Variants in MFRP observed in about 807,000 individuals in gnomAD.
The protein encoded by MFRP is membrane frizzled-related protein.
A neutral mutation model predicts 65.8 loss-of-function variants in MFRP; 74 were observed. The ratio of observed to expected loss-of-function variants is 1.12; its 90% CI spans 0.93 to 1.36. The LOEUF (loss-of-function observed/expected upper bound fraction) is 1.36. Ranked by LOEUF, MFRP falls within the 40% of genes most tolerant of loss-of-function variation. MFRP has a pLI of 0.00. For synonymous variants in MFRP, 336 were observed against 288.3 expected (o/e 1.17, Z -1.68); for missense variants, 838 against 736.0 (o/e 1.14, Z -1.60).
Position 119,343,023 on chromosome 11 carries a change from G to A in MFRP, c.1125-20C>T, listed in dbSNP as rs747809803. 5.0e-6 allele frequency: 8 copies of A among 1,588,420 alleles called. No individual in the cohort carries two copies. Among genetic ancestry groups the A allele is most frequent in the African/African-American group, 2.7e-5 (2 of 74,536 alleles). ...CAGAACCTGCCCAAAGCAGACAGCT[G>A]TTCTGGGCACCAGCCCTGGCTGACT... On this transcript the variant is annotated intron_variant, in intron 9 of 14. Transcript: ENST00000619721.
intron 11 of MFRP, 45 bp downstream of exon 11, chr11:119,342,543 TCTGTGAGG>T: frequency 1.2e-6 from 2 of 1,606,768 alleles, no homozygotes; most frequent in Non-Finnish European, 1.7e-6. Context: ...GCAGTAGGGT[TCTGTGAGG>T]TGGGCACCCA....
chr11:119,346,573 C>T lies in MFRP; in HGVS notation c.-60G>A, dbSNP rs1423963005. ...GTGACAGCCCAAGACCCCCAAGGGC[C>T]CACTCGCTGACCACAAACTCCCTGT... On this transcript the variant is annotated 5_prime_UTR_variant, in exon 1 of 15. Transcript: ENST00000619721. The T allele has an allele frequency of 6.4e-7, 1 of 1,566,498 alleles. No individual in the cohort carries two copies. The highest frequency in any genetic ancestry group is 8.8e-7 in the Non-Finnish European group (1 of 1,138,296).
chr11:119,342,032 T>C (rs1950508092), intron 11 of MFRP, 48 bp from the exon 12 acceptor site: 1 of 1,609,762 alleles, frequency 6.2e-7, no homozygotes, highest in Non-Finnish European at 8.5e-7. Context: ...TCACTGGCTC[T>C]GTGGCCTGTG....
rs1422325722 is a variant in MFRP at position 119,344,028 on chromosome 11, A to G, written c.976-64T>C. 19 of 1,600,988 alleles carry G rather than the reference A, an allele frequency of 1.2e-5. No homozygotes were observed. The East Asian group carries it at 4.0e-4, about 34-fold the overall frequency. ...CTCCTGTCTCATCCCGGGCACCCAGAAGGGTCTTCTTCCCCCACTGCTGGC... is the reference window on the plus strand; with the variant it reads ...CTCCTGTCTCATCCCGGGCACCCAGGAGGGTCTTCTTCCCCCACTGCTGGC... On this transcript the variant is annotated intron_variant, in intron 8 of 14. Transcript: ENST00000619721.
rs767917702 is a variant in MFRP, at chr11:119,342,725, G to C, written c.1258C>G (p.Pro420Ala). Residue 420 changes from proline to alanine, a missense_variant and splice_region_variant, in exon 11 of 15, where the codon CCC (proline) becomes GCC (alanine). Physicochemically the swap from Pro to Ala is conservative, Grantham distance 27. Coordinates refer to ENST00000619721, the MANE Select transcript of MFRP (RefSeq NM_031433.4). ...TYLAFNATEN[P>A]CGPSELSCQA... ...CAGGAGAGCTCACTGGGCCCACAGGGGTCTGCAGGCACAAGGGGCATGGCA... is the reference window on the plus strand; with the variant it reads ...CAGGAGAGCTCACTGGGCCCACAGGCGTCTGCAGGCACAAGGGGCATGGCA... The C allele has an allele frequency of 8.9e-5, 144 of 1,613,392 alleles. No homozygotes were observed. The highest frequency in any genetic ancestry group is 1.1e-4 in the Non-Finnish European group (128 of 1,179,930).
chr11:119,344,814 C>A, intron 6 of MFRP, 57 bp from the exon 7 acceptor site: 1 of 1,613,692 alleles, frequency 6.2e-7, no homozygotes, highest in South Asian at 1.1e-5. Context: ...TTTGACAGGA[C>A]TGGGAGTGGG....
Position 119,344,074 on chromosome 11 carries a change from T to G in MFRP, c.976-110A>C. On this transcript the variant is annotated intron_variant, in intron 8 of 14. Coordinates refer to ENST00000619721, the MANE Select transcript of MFRP (RefSeq NM_031433.4). The stretch of plus-strand genomic sequence containing the variant: ...CTGGCTGGGGGGATGGGGTGGTGCT[T>G]TCATCATTGGTGGTTCTTAAGGACC... The G allele has an allele frequency of 2.1e-6, 3 of 1,418,880 alleles. No homozygotes were observed. In the South Asian group the frequency reaches 3.5e-5, roughly 17 times the overall value. 87.9% of individuals were successfully genotyped at this position (1,418,880 alleles called of 1,614,324 possible). A position where few individuals can be genotyped will look rare whatever the true frequency, so the allele number is the denominator to read the frequency against.
chr11:119,343,373 T>C (rs749460807), intron 9 of MFRP, among the ~76,000 whole-genome samples: 1 of 152,108 alleles, frequency 6.6e-6, no homozygotes. Flanking sequence ...GTAAATTATC[T>C]GGGCGTGGTG....
intron 11 of MFRP, 58 bp from the exon 12 acceptor site, chr11:119,342,042 G>T: frequency 6.2e-7 from 1 of 1,607,834 alleles, no homozygotes. Flanking sequence ...TGTGGCCTGT[G>T]GCAAGTCACC....
intron 4 of MFRP, 46 bp from the exon 5 acceptor site, chr11:119,345,679 C>T (rs771682623): frequency 1.2e-6 from 2 of 1,612,222 alleles, no homozygotes; most frequent in Admixed American, 1.7e-5. Flanking sequence ...GGAGTGAGGT[C>T]CTTTATTCTC....
intron 5 of MFRP, 41 bp from the exon 6 acceptor site, chr11:119,345,045 C>T (rs1481427191): frequency 6.3e-7 from 1 of 1,584,664 alleles, no homozygotes; most frequent in Admixed American, 1.9e-5. Context: ...GCTCCAAGAG[C>T]AGGGTCAGCC....
At chr11:119,340,567 G>A in intron 13 of MFRP, 127 bp from the exon 14 acceptor site, 2 of 674,482 alleles carry the variant, frequency 3.0e-6, no homozygotes, top group Non-Finnish European at 4.9e-6. Context: ...TCGCAGGGCC[G>A]AGCATCCGGA....
chr11:119,339,996 C>A lies in MFRP; in HGVS notation c.*1111-148G>T. ...GCACGGGTACCTCCTCCACCCCTTC[C>A]CGCAGGGCAGATCTGGGGGGCTGGC... On this transcript the variant is annotated intron_variant, in intron 14 of 14. Transcript: ENST00000619721. The surrounding 1 kb of genome is among the most constrained non-coding windows in gnomAD (Gnocchi z 5.4). 7.7e-7 allele frequency: 1 copy of A among 1,300,868 alleles called. No homozygotes were observed. Among genetic ancestry groups the A allele is most frequent in the Non-Finnish European group, 1.0e-6 (1 of 991,658 alleles). The allele number at this position is 1,300,868 out of a possible 1,614,324, so 80.6% of individuals were successfully genotyped here.
rs1165275829 is a variant in MFRP, at chr11:119,339,077, G to A, written c.*1882C>T. The stretch of plus-strand genomic sequence containing the variant: ...GTGGGCTCCTGGACCAGAGCAACTG[G>A]GGGACTTACACTTGCCAGCACAGCA... On this transcript the variant is annotated 3_prime_UTR_variant, in exon 15 of 15. Transcript: ENST00000619721. This position sits in a 1 kb window ranked among gnomAD's most constrained non-coding sequence, Gnocchi z 5.4. The A allele has an allele frequency of 3.8e-5, 18 of 476,738 alleles. 1 individual carries two copies. Among genetic ancestry groups the A allele is most frequent in the Non-Finnish European group, 2.6e-5 (7 of 268,818 alleles). The allele number at this position is 476,738 out of a possible 1,614,324, so 29.5% of individuals were successfully genotyped here. A position where few individuals can be genotyped will look rare whatever the true frequency, so the allele number is the denominator to read the frequency against.
Position 119,345,880 on chromosome 11 carries a change from G to T in MFRP, c.320C>A (p.Ala107Asp). Residue 107 changes from alanine to aspartate, a missense_variant, in exon 4 of 15, where the codon GCC becomes GAC. Transcript: ENST00000619721. The stretch of plus-strand genomic sequence containing the variant: ...GGTGGTGGTCGTGGTAAGGCCTCCG[G>T]CAGGCAGTGGGCTATGGGACGCCCC... ...PSGASHSPLP[A>D]GGLTTTTTTP... 3.1e-6 allele frequency: 5 copies of T among 1,613,686 alleles called. No homozygotes were observed. Among genetic ancestry groups the T allele is most frequent in the Non-Finnish European group, 4.2e-6 (5 of 1,179,800 alleles).
rs765718079 is a variant in MFRP at position 119,344,736 on chromosome 11, A to G, written c.794T>C (p.Phe265Ser). Residue 265 changes from phenylalanine to serine, a missense_variant, in exon 7 of 15, where the codon TTC becomes TCC. Physicochemically the swap from Phe to Ser is radical, Grantham distance 155. Transcript: ENST00000619721. ...CAGGCAGATGAGCTGGTCACAGCGGAACTCATCATGGGCACAGCTCCCTGG... is the reference window on the plus strand; with the variant it reads ...CAGGCAGATGAGCTGGTCACAGCGGGACTCATCATGGGCACAGCTCCCTGG... The part of the protein sequence containing the change: ...PGRGSCAHDE[F>S]RCDQLICLLP... The G allele has an allele frequency of 1.2e-6, 2 of 1,613,882 alleles. No homozygotes were observed. The highest frequency in any genetic ancestry group is 4.5e-5 in the East Asian group (2 of 44,898).
At chr11:119,345,315 C>G in intron 5 of MFRP, 105 bp downstream of exon 5, 1 of 1,212,844 alleles carries the variant, frequency 8.2e-7, no homozygotes, top group Admixed American at 1.9e-5. Context: ...GGTCTAGTCT[C>G]TCAATTTCTT....
At chr11:119,344,809 C>G in intron 6 of MFRP, 52 bp from the exon 7 acceptor site, 1 of 1,613,698 alleles carries the variant, frequency 6.2e-7, no homozygotes, top group Non-Finnish European at 8.5e-7. Flanking sequence ...ACCCCTTTGA[C>G]AGGACTGGGA....
Position 119,341,659 on chromosome 11 carries a change from C to G in MFRP, c.1629G>C (p.Gln543His), listed in dbSNP as rs1950503860. Residue 543 changes from glutamine (Q) to histidine (H), a missense_variant, in exon 13 of 15, where the codon CAG (glutamine) becomes CAC (histidine). Coordinates refer to ENST00000619721, the MANE Select transcript of MFRP (RefSeq NM_031433.4). ...SVLPPCRSVC[Q>H]EAEHQCQSGL... ...CAGACTGGCACTGGTGCTCCGCTTC[C>G]TGGCAGACAGAGCGGCAAGGGGGCA... 1 of 1,612,916 alleles carries G rather than the reference C, an allele frequency of 6.2e-7. No homozygotes were observed. The highest frequency in any genetic ancestry group is 1.3e-5 in the African/African-American group (1 of 74,942).
Sources: gnomAD v4.1 joint callset for allele counts (sites outside exome capture counted in the v4.1 genomes callset) on GRCh38, gnomAD v4.1.1 for gene constraint, Gnocchi (gnomAD v3.1) non-coding constraint, MANE v1.5 for transcripts, NCBI Gene and HGNC (gene_info 2026-07-23, HGNC 2026-07-21) for gene names.